Variants in EDNRB observed in about 807,000 individuals in gnomAD.
The protein encoded by EDNRB is Hirschsprung disease 2.
Under a neutral mutation model 46.4 loss-of-function variants are expected in EDNRB, and 18 were observed. The observed-to-expected ratio is 0.39, with a 90% CI of 0.27 to 0.57. The LOEUF is 0.57. EDNRB is among the 20% of genes least tolerant of loss of function. The pLI, the probability that EDNRB is intolerant of heterozygous loss-of-function variation, is 0.61. For synonymous variants in EDNRB, 213 were observed against 204.9 expected, an observed-to-expected ratio of 1.04 and a Z score of -0.34; for missense variants, 434 against 537.5, an observed-to-expected ratio of 0.81 and a Z score of 1.90.
intron 1 of EDNRB, among the ~76,000 whole-genome samples, chr13:77,935,964 T>C (rs1042614371): frequency 6.6e-6 from 1 of 152,028 alleles, no homozygotes; most frequent in Non-Finnish European, 1.5e-5. Context: ...TTAGGACAGG[T>C]AAAATGGGGG....
At chr13:77,974,999 C>G (rs1340326123) in intron 1 of EDNRB, among the ~76,000 whole-genome samples, 1 of 152,070 alleles carries the variant, frequency 6.6e-6, no homozygotes, top group Non-Finnish European at 1.5e-5. Flanking sequence ...AAACAAAGAA[C>G]CGGTAAAAAG....
chr13:77,949,739 T>C (rs1881035019), intron 1 of EDNRB, among the ~76,000 whole-genome samples: 1 of 152,158 alleles, frequency 6.6e-6, no homozygotes, highest in South Asian at 2.1e-4. Context: ...TGGACCAGCA[T>C]GTTAAAGGGG....
In EDNRB at chr13:77,896,270, A is replaced by C; in HGVS notation, c.*1930T>G. On this transcript the variant is annotated 3_prime_UTR_variant, in exon 7 of 7. Coordinates refer to ENST00000646607, the MANE Select transcript of EDNRB (RefSeq NM_001122659.3). The stretch of plus-strand genomic sequence containing the variant: ...GTAATAAAAATAATCTAAAATTTAA[A>C]TAGAAATTAAATATATTAATAAACT... 1 of 488,190 alleles carries C rather than the reference A, an allele frequency of 2.0e-6. No homozygotes were observed. The highest frequency in any genetic ancestry group is 8.2e-5 in the South Asian group (1 of 12,152). The allele number at this position is 488,190 out of a possible 1,614,324, so 30.2% of individuals were successfully genotyped here. A position where few individuals can be genotyped will look rare whatever the true frequency, so the allele number is the denominator to read the frequency against.
In EDNRB at chr13:77,952,582, C is replaced by A. The variant is rs115749799; in HGVS notation, c.-52+22765G>T. On this transcript the variant is annotated intron_variant, in intron 1 of 7. Coordinates refer to the EDNRB transcript ENST00000646948. ...ATGCCTCTGACATATATATAGAAAG[C>A]TAATTTAACCCAAGAAAAATTAAAG... is the stretch of plus-strand genomic sequence containing the variant. 3.7e-3 allele frequency among the ~76,000 whole-genome samples: 556 copies of A among 152,156 alleles called. 4 individuals are homozygous for A. Among genetic ancestry groups the A allele is most frequent in the African/African-American group, 0.012 (512 of 41,522 alleles).
intron 1 of EDNRB, among the ~76,000 whole-genome samples, chr13:77,931,753 A>AAC (rs1880410987): frequency 7.2e-6 from 1 of 138,078 alleles, no homozygotes; most frequent in South Asian, 2.3e-4. Context: ...GCAAAAAAAA[A>AAC]AAAAAAACAA....
chr13:77,914,501 T>C (rs184594522), intron 1 of EDNRB, among the ~76,000 whole-genome samples: 61 of 152,326 alleles, frequency 4.0e-4, no homozygotes, highest in Middle Eastern at 3.4e-3. Context: ...TGGTGTTGTG[T>C]AATGTAGGCA....
intron 1 of EDNRB, among the ~76,000 whole-genome samples, chr13:77,974,778 G>A (rs1031539995): frequency 6.6e-6 from 1 of 152,078 alleles, no homozygotes; most frequent in Non-Finnish European, 1.5e-5. Context: ...TTGAAACAAG[G>A]GACCTTTCCA....
At chr13:77,924,938 C>T (rs1880190963) in intron 1 of EDNRB, among the ~76,000 whole-genome samples, 1 of 152,162 alleles carries the variant, frequency 6.6e-6, no homozygotes, top group Non-Finnish European at 1.5e-5. Flanking sequence ...TGAGGTCTCC[C>T]CAGCTATGTG....
intron 1 of EDNRB, among the ~76,000 whole-genome samples, chr13:77,958,761 A>G (rs1881314329): frequency 6.6e-6 from 1 of 152,214 alleles, no homozygotes; most frequent in Non-Finnish European, 1.5e-5. Flanking sequence ...TTCTGCTAAC[A>G]TTTTGAGGAA....
At chr13:77,959,977 A>G (rs1244477000) in intron 1 of EDNRB, among the ~76,000 whole-genome samples, 1 of 152,208 alleles carries the variant, frequency 6.6e-6, no homozygotes, top group Non-Finnish European at 1.5e-5. Flanking sequence ...GTGAGAAGAT[A>G]AGTTTAGAGA....
At chr13:77,923,338 T>C (rs2137646640), upstream of EDNRB, among the ~76,000 whole-genome samples, 1 of 152,272 alleles carries the variant, frequency 6.6e-6, no homozygotes, top group South Asian at 2.1e-4. Context: ...AAAAAATGAG[T>C]GTAACCTGGT....
chr13:77,898,174 A>T lies in EDNRB; in HGVS notation c.*26T>A, dbSNP rs2137599258. 6.2e-7 allele frequency: 1 copy of T among 1,608,894 alleles called. No individual in the cohort carries two copies. The highest frequency in any genetic ancestry group is 2.2e-5 in the East Asian group (1 of 44,624). On this transcript the variant is annotated 3_prime_UTR_variant, in exon 7 of 7. Transcript: ENST00000646607. ...ATGACTTCGGTCCAATATAAAGAAA[A>T]TGAAATACAGTGAATAGTTCTTCTT... is the stretch of plus-strand genomic sequence containing the variant.
rs138852913 is a variant in EDNRB at position 77,936,020 on chromosome 13, G to A, written c.-51-17396C>T. ...GGCTTTAAAAGGCCATGCTATAACA[G>A]GTGAGTGATAACAGGCTTTCATCCT... On this transcript the variant is annotated intron_variant, in intron 1 of 7. Coordinates refer to the EDNRB transcript ENST00000646948. 4.1e-3 allele frequency among the ~76,000 whole-genome samples: 627 copies of A among 152,314 alleles called. 5 individuals are homozygous for A. The highest frequency in any genetic ancestry group is 0.015 in the African/African-American group (610 of 41,558).
At chr13:77,927,657 T>G (rs1880275168) in intron 1 of EDNRB, among the ~76,000 whole-genome samples, 1 of 152,218 alleles carries the variant, frequency 6.6e-6, no homozygotes, top group Non-Finnish European at 1.5e-5. Context: ...TGTAACATAT[T>G]TAGACTGTCA....
chr13:77,906,749 G>A (rs1446949336), intron 1 of EDNRB, among the ~76,000 whole-genome samples: 6 of 151,876 alleles, frequency 4.0e-5, no homozygotes, highest in African/African-American at 1.2e-4. Flanking sequence ...CCTAAGCCAG[G>A]GCCACCCAAC....
upstream of EDNRB, chr13:77,918,999 T>A: frequency 1.2e-6 from 1 of 849,152 alleles, no homozygotes; most frequent in Non-Finnish European, 1.5e-6. The surrounding 1 kb of genome is among the most constrained non-coding windows in gnomAD (Gnocchi z 4.5). Context: ...ACCGCGGAAT[T>A]AAGGCACCTA....
intron 1 of EDNRB, among the ~76,000 whole-genome samples, chr13:77,971,255 T>C (rs564635310): frequency 1.3e-5 from 2 of 152,340 alleles, no homozygotes; most frequent in South Asian, 4.1e-4. Context: ...GCTTTGGTTA[T>C]CTAGTTAGTC....
chr13:77,905,831 G>T (rs1466623757), intron 1 of EDNRB, among the ~76,000 whole-genome samples: 1 of 151,972 alleles, frequency 6.6e-6, no homozygotes, highest in Non-Finnish European at 1.5e-5. Context: ...GAGGCTACTA[G>T]CTACTAAAGC....
At chr13:77,973,345 G>A (rs1173698850) in intron 1 of EDNRB, among the ~76,000 whole-genome samples, 2 of 152,020 alleles carry the variant, frequency 1.3e-5, no homozygotes, top group Admixed American at 6.6e-5. Flanking sequence ...AAACCTTGCA[G>A]ACATATTTAT....
Sources: allele counts gnomAD v4.1 joint callset (sites outside exome capture counted in the v4.1 genomes callset), GRCh38; gene constraint gnomAD v4.1.1; non-coding constraint Gnocchi (gnomAD v3.1); transcripts MANE v1.5; gene names NCBI Gene and HGNC (gene_info 2026-07-23, HGNC 2026-07-21).